The following UGT2B4 variants were observed in gnomAD, a reference collection of about 807,000 sequenced individuals.
UGT2B4 encodes the protein UDP-glucuronosyltransferase 2B4.
UGT2B4 carries 49 observed loss-of-function variants against 49.8 expected under a neutral mutation model. The ratio of observed to expected loss-of-function variants is 0.98; its 90% confidence interval spans 0.78 to 1.25. The LOEUF (loss-of-function observed/expected upper bound fraction) is 1.25. Among genes scored for constraint, UGT2B4 ranks in the 50% most tolerant of loss-of-function variants. UGT2B4 has a pLI of 0.00. For missense variants in UGT2B4, 729 were observed against 627.7 expected, an observed-to-expected ratio of 1.16 and a Z score of -1.73; for synonymous variants, 246 against 217.7, an observed-to-expected ratio of 1.13 and a Z score of -1.14.
intron 1 of UGT2B4, among the ~76,000 whole-genome samples, chr4:69,515,476 A>T (rs1728706587): frequency 6.6e-6 from 1 of 152,194 alleles, no homozygotes; most frequent in African/African-American, 2.4e-5. Context: ...GAACAAAGGG[A>T]CAATGCACCA....
chr4:69,514,478 C>T (rs1728681735), intron 1 of UGT2B4, among the ~76,000 whole-genome samples: 1 of 152,136 alleles, frequency 6.6e-6, no homozygotes, highest in South Asian at 2.1e-4. Context: ...TTGTCATGGG[C>T]AGAACTTCCA....
rs1413418431 is a variant in UGT2B4, at chr4:69,495,900, C to T, written c.-39G>A. The T allele has an allele frequency of 6.5e-7, 1 of 1,539,972 alleles. No individual in the cohort carries two copies. Among genetic ancestry groups the T allele is most frequent in the African/African-American group, 1.4e-5 (1 of 72,142 alleles). On this transcript the variant is annotated 5_prime_UTR_variant, in exon 1 of 6. Transcript: ENST00000305107. ...AATGCTTGTTTTCCAGTTGCTGCTCCTTTCTGTCATTTCTCATGGTGACAT... is the reference window on the plus strand; with the variant it reads ...AATGCTTGTTTTCCAGTTGCTGCTCTTTTCTGTCATTTCTCATGGTGACAT...
At chr4:69,496,659 GC>G (rs1728172920), upstream of UGT2B4, among the ~76,000 whole-genome samples, 1 of 152,024 alleles carries the variant, frequency 6.6e-6, no homozygotes, top group South Asian at 2.1e-4. Flanking sequence ...ATAAGCTTTA[GC>G]CTTTTACTCC....
At chr4:69,481,252 A>C (rs534869003) in intron 5 of UGT2B4, among the ~76,000 whole-genome samples, 1 of 152,096 alleles carries the variant, frequency 6.6e-6, no homozygotes, top group Non-Finnish European at 1.5e-5. Context: ...CTGGTGACAG[A>C]GTGAGACTTC....
At position 69,525,815 on chromosome 4, in the gene UGT2B4, C is replaced by T. The variant is rs141359336; in HGVS notation, c.-234G>A. 267 of 1,057,982 alleles carry T rather than the reference C, an allele frequency of 2.5e-4. 4 individuals are homozygous for T. The East Asian group carries it at 0.015, about 59-fold the overall frequency. 65.5% of individuals were successfully genotyped at this position (1,057,982 alleles called of 1,614,324 possible). A position where few individuals can be genotyped will look rare whatever the true frequency, so the allele number is the denominator to read the frequency against. ...ATTTATGTTTATATTAAAGAAAGGG[C>T]TCCAGGCTGGGCGAGGTGGCTCACA... is the stretch of plus-strand genomic sequence containing the variant. On this transcript the variant is annotated 5_prime_UTR_variant, in exon 1 of 2. Transcript: ENST00000510114.
intron 2 of UGT2B4, among the ~76,000 whole-genome samples, chr4:69,491,521 A>T (rs1727985853): frequency 6.6e-6 from 1 of 152,088 alleles, no homozygotes; most frequent in South Asian, 2.1e-4. Flanking sequence ...TGCATAAATT[A>T]TCTGAGAATC....
chr4:69,489,281 C>T (rs1238543737), intron 3 of UGT2B4, among the ~76,000 whole-genome samples, 158 bp downstream of exon 3: 1 of 152,112 alleles, frequency 6.6e-6, no homozygotes, highest in African/African-American at 2.4e-5. Flanking sequence ...AGTTTATCAT[C>T]TTCCATACAT....
intron 2 of UGT2B4, 43 bp downstream of exon 2, chr4:69,493,650 T>C: frequency 6.3e-7 from 1 of 1,579,080 alleles, no homozygotes; most frequent in Non-Finnish European, 8.6e-7. Flanking sequence ...GAACCATTCG[T>C]ACTGAAACTT....
intron 1 of UGT2B4, among the ~76,000 whole-genome samples, chr4:69,494,723 A>G (rs1232129208): frequency 1.3e-5 from 2 of 152,210 alleles, no homozygotes; most frequent in African/African-American, 2.4e-5. Context: ...AGACTGAAAT[A>G]TACAAGAAAA....
At chr4:69,525,540 A>T in intron 1 of UGT2B4, 1 of 225,188 alleles carries the variant, frequency 4.4e-6, no homozygotes, top group South Asian at 8.4e-5. Flanking sequence ...TTTCCATATA[A>T]ATAATTATAA....
chr4:69,496,023 A>C (rs941389), upstream of UGT2B4: 441,376 of 1,237,918 alleles, frequency 0.36, 80,331 homozygotes, highest in Non-Finnish European at 0.37. Flanking sequence ...AAAGAGACAA[A>C]TAAAAGGTAG....
chr4:69,507,137 T>C (rs1007956734), intron 1 of UGT2B4, among the ~76,000 whole-genome samples: 1 of 152,204 alleles, frequency 6.6e-6, no homozygotes, highest in African/African-American at 2.4e-5. Context: ...GGGCAAAAGC[T>C]GGAGAGATTT....
chr4:69,524,458 A>G (rs1728924115), intron 1 of UGT2B4, among the ~76,000 whole-genome samples: 1 of 151,872 alleles, frequency 6.6e-6, no homozygotes, highest in Non-Finnish European at 1.5e-5. Flanking sequence ...GACAAATAAT[A>G]TGTAATAAGT....
At chr4:69,511,984 TG>T (rs755157584) in intron 1 of UGT2B4, among the ~76,000 whole-genome samples, 1 of 152,020 alleles carries the variant, frequency 6.6e-6, no homozygotes, top group Non-Finnish European at 1.5e-5. Context: ...TTTTCTATTC[TG>T]AGGCATTAGT....
chr4:69,501,290 C>G (rs1307684969), intron 1 of UGT2B4, among the ~76,000 whole-genome samples: 15 of 152,140 alleles, frequency 9.9e-5, no homozygotes, highest in Admixed American at 9.8e-4. Context: ...CAAATCTACT[C>G]TACCTAAACT....
intron 1 of UGT2B4, among the ~76,000 whole-genome samples, chr4:69,511,717 A>AT (rs1728609020): frequency 6.6e-6 from 1 of 151,920 alleles, no homozygotes; most frequent in Admixed American, 6.6e-5. Flanking sequence ...TTCTTTTCAG[A>AT]TTTTTGGAAA....
upstream of UGT2B4, among the ~76,000 whole-genome samples, chr4:69,500,668 A>AGAAAGAAAGAAAGAAAGAAAGAAG (rs1383264448): frequency 1.0e-4 from 11 of 110,168 alleles, no homozygotes; most frequent in African/African-American, 2.7e-4. Flanking sequence ...AAAGAAAGAA[A>AGAAAGAAAGAAAGAAAGAAAGAAG]GGAAGGAAAG....
chr4:69,502,091 CTCTTTCTTTCTTTCTTTCTT>C lies in UGT2B4; in HGVS notation c.-105-6145_-105-6126del, dbSNP rs1157898949. ...CCTTCTTTTCTTTCTTTCTTTCTCTCTCTTTCTTTCTTTCTTTCTTTCTTTCTTTCTTTCTTTCTTTCTTT... is the reference window on the plus strand; with the variant it reads ...CCTTCTTTTCTTTCTTTCTTTCTCTCTCTTTCTTTCTTTCTTTCTTTCTTT... On this transcript the variant is annotated intron_variant, in intron 1 of 1. Coordinates refer to the UGT2B4 transcript ENST00000510114. Among the ~76,000 whole-genome samples the C allele has an allele frequency of 4.1e-3, 443 of 108,492 alleles. 6 individuals are homozygous for C. The highest frequency in any genetic ancestry group is 0.014 in the African/African-American group (396 of 29,218). 71.2% of individuals were successfully genotyped at this position (108,492 alleles called of 152,430 possible).
chr4:69,519,444 G>A (rs961668039), intron 1 of UGT2B4, among the ~76,000 whole-genome samples: 3 of 152,050 alleles, frequency 2.0e-5, no homozygotes, highest in Non-Finnish European at 4.4e-5. Context: ...TAGGCAAAAA[G>A]GCAGCGTTTT....
Sources: gnomAD v4.1 joint callset for allele counts (sites outside exome capture counted in the v4.1 genomes callset) on GRCh38, gnomAD v4.1.1 for gene constraint, MANE v1.5 for transcripts, NCBI Gene and HGNC (gene_info 2026-07-23, HGNC 2026-07-21) for gene names.